The following ATF6 variants were observed in gnomAD, a reference collection of about 807,000 sequenced individuals.
ATF6 encodes cyclic AMP-dependent transcription factor ATF-6 alpha.
ATF6 carries 53 observed loss-of-function variants against 83.6 expected under a neutral mutation model. The ratio of observed to expected loss-of-function variants is 0.63; its 90% CI spans 0.51 to 0.80. The LOEUF (loss-of-function observed/expected upper bound fraction) is 0.80. Ranked by LOEUF, ATF6 falls within the 30% of genes least tolerant of loss-of-function variation. ATF6 has a pLI of 0.00. For synonymous variants in ATF6, 288 were observed against 285.8 expected (o/e 1.01, Z -0.08); for missense variants, 744 against 797.9 (o/e 0.93, Z 0.81).
intron 15 of ATF6, among the ~76,000 whole-genome samples, chr1:161,953,773 C>G (rs1019982577): frequency 6.6e-6 from 1 of 152,158 alleles, no homozygotes; most frequent in Non-Finnish European, 1.5e-5. Flanking sequence ...CAGCGTTCTT[C>G]CCACTTATAA....
chr1:161,791,088 G>A (rs556088990), intron 4 of ATF6, among the ~76,000 whole-genome samples: 131 of 136,954 alleles, frequency 9.6e-4, no homozygotes, highest in African/African-American at 3.6e-3. Context: ...GTGTGTCTCT[G>A]TGTGTGTGTG....
intron 14 of ATF6, among the ~76,000 whole-genome samples, chr1:161,871,020 T>C (rs1054656856): frequency 6.6e-6 from 1 of 151,752 alleles, no homozygotes; most frequent in Non-Finnish European, 1.5e-5. Context: ...TTCTGTTTTG[T>C]CTTTTACAAG....
At chr1:161,930,046 A>G (rs977643946) in intron 15 of ATF6, among the ~76,000 whole-genome samples, 5 of 152,334 alleles carry the variant, frequency 3.3e-5, no homozygotes, top group Non-Finnish European at 5.9e-5. Context: ...CTATAAAATG[A>G]GAAGGTTGAG....
chr1:161,848,454 A>G (rs1686533840), intron 10 of ATF6, among the ~76,000 whole-genome samples: 1 of 152,158 alleles, frequency 6.6e-6, no homozygotes, highest in Non-Finnish European at 1.5e-5. Context: ...AAATGAGTAG[A>G]TTCTAATCCC....
At chr1:161,785,794 T>G (rs1201180571) in intron 4 of ATF6, among the ~76,000 whole-genome samples, 1 of 152,190 alleles carries the variant, frequency 6.6e-6, no homozygotes, top group Middle Eastern at 3.2e-3. Context: ...TTGTAAAATT[T>G]TACATCCTCA....
At chr1:161,878,214 G>A (rs10800068) in intron 14 of ATF6, among the ~76,000 whole-genome samples, 137,249 of 152,118 alleles carry the variant, frequency 0.9, 62,077 homozygotes, top group African/African-American at 0.96. Flanking sequence ...CCTGGGTTCA[G>A]ATGATCCTCC....
At chr1:161,831,397 A>G (rs1172711665) in intron 9 of ATF6, among the ~76,000 whole-genome samples, 1 of 152,220 alleles carries the variant, frequency 6.6e-6, no homozygotes, top group Non-Finnish European at 1.5e-5. Flanking sequence ...CAATTCCTCA[A>G]GGATCTAGAA....
In ATF6 at chr1:161,886,428, G is replaced by C. The variant is rs147033423; in HGVS notation, c.1719+23116G>C. 4.6e-5 allele frequency among the ~76,000 whole-genome samples: 7 copies of C among 152,198 alleles called. No homozygotes were observed. The East Asian group carries it at 1.3e-3, about 29-fold the overall frequency. On this transcript the variant is annotated intron_variant, in intron 14 of 15. Coordinates refer to ENST00000367942, the MANE Select transcript of ATF6 (RefSeq NM_007348.4). ...TACAGTTATACATCACTTAGCAATG[G>C]GATACATTCTAGGAAATGCATTGTC...
At chr1:161,947,098 A>G (rs187461142) in intron 15 of ATF6, among the ~76,000 whole-genome samples, 163 of 152,324 alleles carry the variant, frequency 1.1e-3, no homozygotes, top group South Asian at 3.1e-3. Flanking sequence ...ATTATTCATG[A>G]CCCTTGTTGA....
chr1:161,880,881 C>T (rs185650197), intron 14 of ATF6, among the ~76,000 whole-genome samples: 3 of 152,232 alleles, frequency 2.0e-5, no homozygotes, highest in Admixed American at 2.0e-4. Context: ...ATAAGAGTTG[C>T]AGTGCCTCCA....
At chr1:161,861,140 A>G (rs1202252511) in intron 13 of ATF6, among the ~76,000 whole-genome samples, 1 of 152,188 alleles carries the variant, frequency 6.6e-6, no homozygotes, top group Non-Finnish European at 1.5e-5. Flanking sequence ...GGTAAATGAT[A>G]ATGATGTGAT....
intron 15 of ATF6, among the ~76,000 whole-genome samples, chr1:161,915,155 A>C (rs574617684): frequency 4.3e-4 from 66 of 152,216 alleles, no homozygotes; most frequent in African/African-American, 1.6e-3. Context: ...GAGCTACATC[A>C]TGTTTCCACT....
chr1:161,886,439 A>G (rs1032061528), intron 14 of ATF6, among the ~76,000 whole-genome samples: 1 of 152,256 alleles, frequency 6.6e-6, no homozygotes, highest in Admixed American at 6.5e-5. Context: ...GATACATTCT[A>G]GGAAATGCAT....
chr1:161,868,388 AATT>A (rs1687055383), intron 14 of ATF6, among the ~76,000 whole-genome samples: 2 of 152,114 alleles, frequency 1.3e-5, no homozygotes, highest in Middle Eastern at 3.4e-3. Context: ...TGTTTTTTTT[AATT>A]ATTATTCTTT....
chr1:161,869,749 C>T (rs1418365406), intron 14 of ATF6, among the ~76,000 whole-genome samples: 1 of 151,796 alleles, frequency 6.6e-6, no homozygotes, highest in Non-Finnish European at 1.5e-5. Flanking sequence ...TTTATTTAAT[C>T]ATTATGCCAA....
chr1:161,833,967 A>G (rs1365836285), intron 9 of ATF6, among the ~76,000 whole-genome samples: 1 of 152,202 alleles, frequency 6.6e-6, no homozygotes, highest in East Asian at 1.9e-4. Flanking sequence ...GATTCACCAA[A>G]GTTGAAATGA....
At chr1:161,898,881 A>G (rs1177135036) in intron 14 of ATF6, among the ~76,000 whole-genome samples, 1 of 152,154 alleles carries the variant, frequency 6.6e-6, no homozygotes, top group African/African-American at 2.4e-5. Context: ...TCCTCACTAA[A>G]TAAGTTTCTT....
chr1:161,924,719 C>T (rs1455030275), intron 15 of ATF6, among the ~76,000 whole-genome samples: 1 of 152,166 alleles, frequency 6.6e-6, no homozygotes, highest in Non-Finnish European at 1.5e-5. Flanking sequence ...TACCTAGGAC[C>T]TATCTCTTTC....
At chr1:161,819,910 G>T (rs1571159787) in intron 8 of ATF6, 92 bp downstream of exon 8, 2 of 1,190,794 alleles carry the variant, frequency 1.7e-6, no homozygotes, top group East Asian at 2.8e-5. Context: ...ATTAAATTAT[G>T]TAAAATAATA....
Sources: gnomAD v4.1 joint callset for allele counts (sites outside exome capture counted in the v4.1 genomes callset) on GRCh38, gnomAD v4.1.1 for gene constraint, MANE v1.5 for transcripts, NCBI Gene and HGNC (gene_info 2026-07-23, HGNC 2026-07-21) for gene names.